Variants in CNTN5 observed in about 807,000 individuals in gnomAD.
The protein encoded by CNTN5 is contactin 5.
Under a neutral mutation model 129.1 loss-of-function variants are expected in CNTN5, and 77 were observed. The ratio of observed to expected loss-of-function variants is 0.60; its 90% CI spans 0.50 to 0.72. The LOEUF (loss-of-function observed/expected upper bound fraction) is 0.72. CNTN5 is among the 30% of genes least tolerant of loss of function. CNTN5 has a pLI of 0.00. For missense variants in CNTN5, 1,478 were observed against 1,328.8 expected, an observed-to-expected ratio of 1.11 and a Z score of -1.75; for synonymous variants, 509 against 465.6, an observed-to-expected ratio of 1.09 and a Z score of -1.20.
chr11:99,037,667 A>G (rs767963941), intron 1 of CNTN5, among the ~76,000 whole-genome samples: 1 of 139,258 alleles, frequency 7.2e-6, no homozygotes, highest in South Asian at 2.2e-4. Context: ...AGCAACCTCC[A>G]TCTCTCAGGT....
chr11:99,243,736 ATT>A (rs35250111), intron 1 of CNTN5, among the ~76,000 whole-genome samples: 7,853 of 117,554 alleles, frequency 0.067, 409 homozygotes, highest in East Asian at 0.26. Context: ...CCTATTGCTT[ATT>A]TTTTTTTTTT....
chr11:100,155,880 C>CTTATCATCATAAGGAGATTT (rs1339621934), intron 13 of CNTN5, among the ~76,000 whole-genome samples: 1 of 152,074 alleles, frequency 6.6e-6, no homozygotes, highest in Non-Finnish European at 1.5e-5. Flanking sequence ...GCTGAAGTTG[C>CTTATCATCATAAGGAGATTT]TTATCATCAT....
chr11:99,476,815 TC>T (rs1193444856), intron 2 of CNTN5, among the ~76,000 whole-genome samples: 5 of 152,144 alleles, frequency 3.3e-5, no homozygotes, highest in African/African-American at 9.7e-5. Context: ...AATCAACTGA[TC>T]CTTTCAAAGG....
At chr11:99,367,991 A>G (rs1939563944) in intron 2 of CNTN5, among the ~76,000 whole-genome samples, 1 of 152,184 alleles carries the variant, frequency 6.6e-6, no homozygotes, top group African/African-American at 2.4e-5. Flanking sequence ...CCTCTGTTAA[A>G]TTAAAGCTAA....
At chr11:99,524,617 G>T (rs1374013856) in intron 2 of CNTN5, among the ~76,000 whole-genome samples, 1 of 151,966 alleles carries the variant, frequency 6.6e-6, no homozygotes, top group African/African-American at 2.4e-5. Context: ...TTCTAAACCA[G>T]CCTGTCCTAC....
At chr11:99,749,631 A>T (rs7123747) in intron 3 of CNTN5, among the ~76,000 whole-genome samples, 72,160 of 152,070 alleles carry the variant, frequency 0.47, 18,404 homozygotes, top group East Asian at 0.81. Context: ...ATCCAGTAAA[A>T]GACTTTAATG....
chr11:99,167,029 G>C (rs1565371375), intron 1 of CNTN5, among the ~76,000 whole-genome samples: 1 of 152,108 alleles, frequency 6.6e-6, no homozygotes, highest in East Asian at 1.9e-4. Flanking sequence ...AGGCTGCTGT[G>C]TACTTTTTCT....
chr11:99,793,281 C>T (rs1394770252), intron 3 of CNTN5, among the ~76,000 whole-genome samples: 2 of 151,954 alleles, frequency 1.3e-5, no homozygotes, highest in Non-Finnish European at 2.9e-5. Context: ...GGATGGTCTC[C>T]ATCTCCTGAC....
chr11:99,645,653 A>G (rs1951932064), intron 3 of CNTN5, among the ~76,000 whole-genome samples: 1 of 152,302 alleles, frequency 6.6e-6, no homozygotes, highest in African/African-American at 2.4e-5. Flanking sequence ...TTGCAGTGAC[A>G]TGGATGAAGC....
intron 3 of CNTN5, among the ~76,000 whole-genome samples, chr11:99,749,048 C>T (rs943507875): frequency 6.6e-6 from 1 of 152,160 alleles, no homozygotes; most frequent in African/African-American, 2.4e-5. Context: ...CCTTGCTTAT[C>T]ATTAGCATGT....
chr11:99,074,353 T>C lies in CNTN5; in HGVS notation c.-210+53083T>C, dbSNP rs543315373. Among the ~76,000 whole-genome samples the C allele has an allele frequency of 1.2e-4, 18 of 152,252 alleles. No individual in the cohort carries two copies. In the South Asian group the frequency reaches 2.3e-3, roughly 19 times the overall value. The stretch of plus-strand genomic sequence containing the variant: ...CCTGTTCACTCTGATGATAGTTTCC[T>C]TTGCTGAGCAGAAGCTGTTTAGTTT... On this transcript the variant is annotated intron_variant, in intron 1 of 24. Transcript: ENST00000524871.
chr11:100,350,918 G>A (rs1027576883), intron 24 of CNTN5, 48 bp downstream of exon 24: 14 of 1,430,060 alleles, frequency 9.8e-6, no homozygotes, highest in African/African-American at 5.7e-5. Context: ...CAACAATTAC[G>A]AGATGGTATG....
At chr11:99,583,006 T>C (rs1238446731) in intron 3 of CNTN5, among the ~76,000 whole-genome samples, 5 of 152,220 alleles carry the variant, frequency 3.3e-5, no homozygotes, top group Non-Finnish European at 5.9e-5. Flanking sequence ...GTTTTTGGTG[T>C]GGATGTCCTC....
At chr11:99,039,676 T>C (rs1297146124) in intron 1 of CNTN5, among the ~76,000 whole-genome samples, 1 of 152,106 alleles carries the variant, frequency 6.6e-6, no homozygotes, top group Non-Finnish European at 1.5e-5. Context: ...TGGTGGACAG[T>C]TGCTTAACAA....
In CNTN5 at chr11:99,164,548, A is replaced by G. The variant is rs371357129; in HGVS notation, c.-210+143278A>G. Among the ~76,000 whole-genome samples the G allele has an allele frequency of 1.7e-3, 255 of 152,304 alleles. 1 individual carries two copies. Among genetic ancestry groups the G allele is most frequent in the African/African-American group, 5.9e-3 (246 of 41,580 alleles). On this transcript the variant is annotated intron_variant, in intron 1 of 24. Transcript: ENST00000524871. ...ATGTATCATATAGTTACGTAGTACA[A>G]TTCTGCTCTGCAGAGTAACATACTT... is the stretch of plus-strand genomic sequence containing the variant.
chr11:99,820,384 G>A (rs1332600256), intron 4 of CNTN5, among the ~76,000 whole-genome samples: 2 of 152,288 alleles, frequency 1.3e-5, no homozygotes, highest in African/African-American at 2.4e-5. Flanking sequence ...AATAAAGAGA[G>A]CACGCAAAGA....
At chr11:99,335,930 A>G (rs1323830360) in intron 2 of CNTN5, among the ~76,000 whole-genome samples, 2 of 152,160 alleles carry the variant, frequency 1.3e-5, no homozygotes, top group Admixed American at 6.6e-5. Flanking sequence ...GGGCATTAAC[A>G]GCATCTGCTA....
chr11:99,628,623 C>CACACAT (rs1951220075), intron 3 of CNTN5, among the ~76,000 whole-genome samples: 9 of 150,896 alleles, frequency 6.0e-5, no homozygotes, highest in African/African-American at 2.2e-4. Context: ...CACACACACA[C>CACACAT]ACACACACAC....
chr11:99,271,340 T>G (rs1472205496), intron 1 of CNTN5, among the ~76,000 whole-genome samples: 1 of 151,898 alleles, frequency 6.6e-6, no homozygotes, highest in African/African-American at 2.4e-5. Flanking sequence ...TTAATGCTCA[T>G]CCTGGAAACT....
Sources: allele counts gnomAD v4.1 joint callset (sites outside exome capture counted in the v4.1 genomes callset), GRCh38; gene constraint gnomAD v4.1.1; transcripts MANE v1.5; gene names NCBI Gene and HGNC (gene_info 2026-07-23, HGNC 2026-07-21).